HDAC9: variants seen among roughly 807,000 people sequenced by gnomAD.
HDAC9 encodes the protein histone deacetylase 9.
HDAC9 carries 41 observed loss-of-function variants against 139.4 expected under a neutral mutation model. The observed-to-expected ratio is 0.29, with a 90% CI of 0.23 to 0.38. The LOEUF (loss-of-function observed/expected upper bound fraction) is 0.38. Among genes scored for constraint, HDAC9 ranks in the 10% least tolerant of loss-of-function variants. The probability of loss-of-function intolerance (pLI) is 1.00; values close to 1 mark genes in which losing one functional copy is unlikely to be tolerated. For missense variants in HDAC9, 1,147 were observed against 1,297.0 expected, an observed-to-expected ratio of 0.88 and a Z score of 1.78; for synonymous variants, 517 against 476.2, an observed-to-expected ratio of 1.09 and a Z score of -1.12.
chr7:18,187,069 A>G (rs1425323152), intron 2 of HDAC9, among the ~76,000 whole-genome samples: 1 of 152,254 alleles, frequency 6.6e-6, no homozygotes, highest in Non-Finnish European at 1.5e-5. Flanking sequence ...CAGTCTTCAT[A>G]GAATTATAGC....
chr7:18,610,276 C>G (rs550588333), intron 6 of HDAC9, among the ~76,000 whole-genome samples: 2 of 152,204 alleles, frequency 1.3e-5, no homozygotes, highest in Admixed American at 6.5e-5. Flanking sequence ...ATGAATTTTC[C>G]TAGTGTCCAG....
upstream of HDAC9, chr7:18,495,682 T>A (rs932852025): frequency 9.6e-6 from 9 of 933,728 alleles, no homozygotes; most frequent in African/African-American, 5.3e-5. Context: ...ATGCTGTTGT[T>A]GATTCATATG....
intron 1 of HDAC9, among the ~76,000 whole-genome samples, chr7:18,441,860 C>T (rs748813072): frequency 3.9e-5 from 6 of 152,128 alleles, no homozygotes; most frequent in African/African-American, 7.2e-5. Flanking sequence ...CTCCGCCTCC[C>T]GGGTTCACGC....
chr7:18,797,201 A>T (rs1214371124), intron 17 of HDAC9, among the ~76,000 whole-genome samples: 1 of 152,222 alleles, frequency 6.6e-6, no homozygotes, highest in Non-Finnish European at 1.5e-5. Context: ...TTAATAAATA[A>T]TAAAATATGT....
chr7:18,169,603 C>T (rs1257795423), intron 2 of HDAC9, among the ~76,000 whole-genome samples: 1 of 152,060 alleles, frequency 6.6e-6, no homozygotes, highest in Non-Finnish European at 1.5e-5. Flanking sequence ...AATGCTATCC[C>T]TCCCCCTGTC....
At chr7:18,968,072 G>A in intron 24 of HDAC9, among the ~76,000 whole-genome samples, 1 of 152,268 alleles carries the variant, frequency 6.6e-6, no homozygotes, top group East Asian at 1.9e-4. Flanking sequence ...CGAGGCAAGA[G>A]AATCGCTTGA....
intron 11 of HDAC9, among the ~76,000 whole-genome samples, chr7:18,649,154 G>A (rs1249257079): frequency 6.6e-6 from 1 of 152,130 alleles, no homozygotes; most frequent in Non-Finnish European, 1.5e-5. Flanking sequence ...ATTCCAATAA[G>A]CGTTTGGAGT....
chr7:18,419,425 T>C (rs536337005), intron 1 of HDAC9, among the ~76,000 whole-genome samples: 1 of 152,204 alleles, frequency 6.6e-6, no homozygotes, highest in Non-Finnish European at 1.5e-5. Flanking sequence ...TGTAAAGCCA[T>C]ATATGAGACC....
At chr7:18,264,747 T>G (rs1030012893) in intron 2 of HDAC9, among the ~76,000 whole-genome samples, 1 of 152,224 alleles carries the variant, frequency 6.6e-6, no homozygotes, top group African/African-American at 2.4e-5. Context: ...ATAGACTAGT[T>G]TATATTACTA....
At chr7:18,903,128 G>A (rs1045542110) in intron 22 of HDAC9, among the ~76,000 whole-genome samples, 1 of 152,234 alleles carries the variant, frequency 6.6e-6, no homozygotes, top group Non-Finnish European at 1.5e-5. Flanking sequence ...CAGAGTAGGA[G>A]AAAGGAGGTG....
chr7:18,818,479 C>A (rs906171558), intron 17 of HDAC9, among the ~76,000 whole-genome samples: 1 of 152,122 alleles, frequency 6.6e-6, no homozygotes, highest in Non-Finnish European at 1.5e-5. Flanking sequence ...GAAACACAAT[C>A]ATCTCATCTC....
At chr7:18,272,362 G>A (rs1162518977) in intron 2 of HDAC9, among the ~76,000 whole-genome samples, 1 of 152,118 alleles carries the variant, frequency 6.6e-6, no homozygotes, top group Non-Finnish European at 1.5e-5. Context: ...TACATATATA[G>A]TGTGTTGCAG....
intron 16 of HDAC9, among the ~76,000 whole-genome samples, chr7:18,778,877 G>T (rs1413515459): frequency 6.6e-6 from 1 of 152,066 alleles, no homozygotes; most frequent in Non-Finnish European, 1.5e-5. Context: ...GCACATGCAA[G>T]GTCAATGGAG....
intron 1 of HDAC9, among the ~76,000 whole-genome samples, chr7:18,099,159 G>C (rs1269342928): frequency 6.6e-6 from 1 of 152,086 alleles, no homozygotes; most frequent in Non-Finnish European, 1.5e-5. Context: ...ACAGTAGTTT[G>C]CTTTTATTTA....
chr7:18,491,288 C>T (rs142700256), upstream of HDAC9, among the ~76,000 whole-genome samples: 297 of 151,816 alleles, frequency 2.0e-3, 1 homozygote, highest in Middle Eastern at 0.01. Context: ...ACACTGTACA[C>T]GATAAAATAA....
chr7:18,999,448 C>G lies in HDAC9; in HGVS notation c.*3386C>G, dbSNP rs1033530739. The G allele has an allele frequency of 7.2e-5, 11 of 152,156 alleles. No individual in the cohort carries two copies. Among genetic ancestry groups the G allele is most frequent in the Non-Finnish European group, 1.6e-4 (11 of 68,042 alleles). The allele number at this position is 152,156 out of a possible 1,614,324, so 9.4% of individuals were successfully genotyped here. A position where few individuals can be genotyped will look rare whatever the true frequency, so the allele number is the denominator to read the frequency against. ...TCCTGGGAAAAAATTCCTCTTCAAT[C>G]AGCATTTTAAAACTTTTTTATTTTT... On this transcript the variant is annotated 3_prime_UTR_variant, in exon 26 of 26. Coordinates refer to ENST00000686413, the MANE Select transcript of HDAC9 (RefSeq NM_178425.4).
rs551394696 is a variant in HDAC9, at chr7:18,761,430, A to T, written c.2044-727A>T. On this transcript the variant is annotated intron_variant, in intron 14 of 25. Transcript: ENST00000686413. ...TTGTTTAATTTCCAATCTGTCAGAG[A>T]CTAATACGCATAAAAAATGTTAAAA... Among the ~76,000 whole-genome samples the T allele has an allele frequency of 6.6e-5, 10 of 152,328 alleles. No individual in the cohort carries two copies. The South Asian group carries it at 2.1e-3, about 32-fold the overall frequency.
At chr7:18,224,620 C>G (rs1792928047) in intron 2 of HDAC9, among the ~76,000 whole-genome samples, 1 of 152,178 alleles carries the variant, frequency 6.6e-6, no homozygotes. Context: ...AGAAACATCA[C>G]ACACATTCAC....
intron 1 of HDAC9, among the ~76,000 whole-genome samples, chr7:18,132,083 G>A (rs949593273): frequency 6.6e-6 from 1 of 152,012 alleles, no homozygotes; most frequent in African/African-American, 2.4e-5. Flanking sequence ...ACCTTCACAC[G>A]CCTCTTTTTG....
Sources: allele counts gnomAD v4.1 joint callset (sites outside exome capture counted in the v4.1 genomes callset), GRCh38; gene constraint gnomAD v4.1.1; transcripts MANE v1.5; gene names NCBI Gene and HGNC (gene_info 2026-07-23, HGNC 2026-07-21).